MGAT4C: variants seen among roughly 807,000 people sequenced by gnomAD.
MGAT4C encodes the protein MGAT4 family member C.
In MGAT4C, 19 loss-of-function variants were observed where a neutral mutation model predicts 40.1. That is an observed-to-expected ratio of 0.47 (90% CI 0.33 to 0.70). MGAT4C has a LOEUF of 0.70. Among genes scored for constraint, MGAT4C ranks in the 30% least tolerant of loss-of-function variants. MGAT4C has a pLI of 0.02. For missense variants in MGAT4C, 491 were observed against 563.2 expected, an observed-to-expected ratio of 0.87 and a Z score of 1.30; for synonymous variants, 181 against 187.1, an observed-to-expected ratio of 0.97 and a Z score of 0.27.
chr12:86,320,937 A>C (rs1302132595), intron 4 of MGAT4C, among the ~76,000 whole-genome samples: 2 of 152,124 alleles, frequency 1.3e-5, no homozygotes, highest in Non-Finnish European at 2.9e-5. Context: ...CCAACTATAT[A>C]ATTTGCACTA....
intron 3 of MGAT4C, among the ~76,000 whole-genome samples, chr12:86,426,212 TC>T (rs1208142861): frequency 6.6e-6 from 1 of 152,144 alleles, no homozygotes; most frequent in African/African-American, 2.4e-5. Context: ...TCGGGTAAAA[TC>T]TATTTCAGCA....
At chr12:86,759,126 G>C (rs1951356503) in intron 1 of MGAT4C, among the ~76,000 whole-genome samples, 1 of 152,110 alleles carries the variant, frequency 6.6e-6, no homozygotes, top group Admixed American at 6.5e-5. Flanking sequence ...ATATGAGTAA[G>C]ATCATGTGGT....
intron 1 of MGAT4C, among the ~76,000 whole-genome samples, chr12:86,808,891 T>G (rs1486553255): frequency 6.6e-6 from 1 of 152,108 alleles, no homozygotes; most frequent in Non-Finnish European, 1.5e-5. Context: ...CCTTGTCGTC[T>G]CAGCCCAAAA....
rs575503610 is a variant in MGAT4C at position 85,959,936 on chromosome 12, T to C, written c.*19353A>G. The C allele has an allele frequency of 3.4e-4, 51 of 152,164 alleles. No homozygotes were observed. Among genetic ancestry groups the C allele is most frequent in the Non-Finnish European group, 6.8e-4 (46 of 67,950 alleles). 9.4% of individuals were successfully genotyped at this position (152,164 alleles called of 1,614,324 possible). On this transcript the variant is annotated 3_prime_UTR_variant, in exon 5 of 5. Coordinates refer to ENST00000611864, the MANE Select transcript of MGAT4C (RefSeq NM_001351288.2). ...TTATTTAGATCAAGGTCAGTTTTTTTACTCCTCTGTAGAACTGTGAAGATA... is the reference window on the plus strand; with the variant it reads ...TTATTTAGATCAAGGTCAGTTTTTTCACTCCTCTGTAGAACTGTGAAGATA...
intron 1 of MGAT4C, among the ~76,000 whole-genome samples, chr12:86,057,582 T>G (rs893519784): frequency 4.6e-5 from 7 of 152,196 alleles, no homozygotes; most frequent in African/African-American, 1.7e-4. Context: ...CTGTCACCTC[T>G]GCAGGAATGG....
At chr12:86,505,089 G>A (rs1048214370) in intron 2 of MGAT4C, among the ~76,000 whole-genome samples, 1 of 152,224 alleles carries the variant, frequency 6.6e-6, no homozygotes, top group East Asian at 1.9e-4. Context: ...TATGGGTCAA[G>A]TATCTGCCAG....
intron 2 of MGAT4C, among the ~76,000 whole-genome samples, chr12:86,609,782 G>T (rs543790138): frequency 2.0e-5 from 2 of 99,570 alleles, no homozygotes; most frequent in Admixed American, 1.2e-4. Context: ...GCTAAATAAG[G>T]CACTACCAGA....
At chr12:86,047,423 A>C (rs775576744) in intron 2 of MGAT4C, among the ~76,000 whole-genome samples, 1 of 152,164 alleles carries the variant, frequency 6.6e-6, no homozygotes, top group Non-Finnish European at 1.5e-5. Flanking sequence ...TTTTGCATGA[A>C]AGAAAAAATT....
intron 2 of MGAT4C, among the ~76,000 whole-genome samples, chr12:86,629,037 T>A (rs1479642622): frequency 2.0e-5 from 3 of 150,468 alleles, no homozygotes; most frequent in Non-Finnish European, 4.4e-5. Context: ...ACACATAGGC[T>A]CAAAATAAAG....
intron 2 of MGAT4C, among the ~76,000 whole-genome samples, chr12:86,485,971 C>T (rs1339374301): frequency 7.2e-5 from 11 of 152,018 alleles, no homozygotes; most frequent in Admixed American, 7.2e-4. Flanking sequence ...TATATCCCAC[C>T]AAACTAAGCC....
intron 3 of MGAT4C, among the ~76,000 whole-genome samples, chr12:85,987,473 T>C (rs1030846462): frequency 5.3e-5 from 8 of 152,156 alleles, no homozygotes; most frequent in African/African-American, 1.7e-4. Flanking sequence ...CAATCTGTTT[T>C]CTGCACCTGG....
At chr12:86,604,253 C>A (rs1243139752) in intron 2 of MGAT4C, among the ~76,000 whole-genome samples, 1 of 152,046 alleles carries the variant, frequency 6.6e-6, no homozygotes, top group African/African-American at 2.4e-5. Context: ...AATGACTTTA[C>A]CAAAGTTCAA....
At chr12:86,233,144 G>A (rs187909757) in intron 1 of MGAT4C, among the ~76,000 whole-genome samples, 5 of 152,204 alleles carry the variant, frequency 3.3e-5, no homozygotes, top group Admixed American at 6.5e-5. Context: ...TACGAATTTT[G>A]CATGACTACT....
intron 2 of MGAT4C, among the ~76,000 whole-genome samples, chr12:86,617,566 T>G (rs565046966): frequency 2.6e-5 from 4 of 152,304 alleles, no homozygotes; most frequent in African/African-American, 9.6e-5. Flanking sequence ...CAGATGCCTG[T>G]AGTCCCAGCT....
chr12:86,791,444 T>G (rs549807642), intron 1 of MGAT4C, among the ~76,000 whole-genome samples: 9 of 151,946 alleles, frequency 5.9e-5, no homozygotes, highest in Middle Eastern at 3.4e-3. Context: ...TTTTTTTTTT[T>G]TTTTTTTTCC....
At chr12:86,444,755 T>C (rs1352744876) in intron 2 of MGAT4C, among the ~76,000 whole-genome samples, 2 of 152,128 alleles carry the variant, frequency 1.3e-5, no homozygotes, top group Non-Finnish European at 2.9e-5. Flanking sequence ...TGAGGTACGG[T>C]TCTGTAGTAT....
intron 1 of MGAT4C, among the ~76,000 whole-genome samples, chr12:86,151,914 A>C (rs1166064582): frequency 6.6e-6 from 1 of 152,236 alleles, no homozygotes; most frequent in Non-Finnish European, 1.5e-5. Flanking sequence ...ATGACAATTT[A>C]AGGCTGTGGG....
chr12:86,492,704 AC>A (rs1179757757), intron 2 of MGAT4C, among the ~76,000 whole-genome samples: 1 of 152,100 alleles, frequency 6.6e-6, no homozygotes, highest in Non-Finnish European at 1.5e-5. Flanking sequence ...CTAGAAGAAA[AC>A]CTAGGCATTA....
At chr12:86,776,809 T>C (rs1429038733) in intron 1 of MGAT4C, among the ~76,000 whole-genome samples, 1 of 152,136 alleles carries the variant, frequency 6.6e-6, no homozygotes, top group Non-Finnish European at 1.5e-5. Context: ...TTTGAATACA[T>C]TCAAATCAAA....
Sources: gnomAD v4.1 joint callset for allele counts (sites outside exome capture counted in the v4.1 genomes callset) on GRCh38, gnomAD v4.1.1 for gene constraint, MANE v1.5 for transcripts, NCBI Gene and HGNC (gene_info 2026-07-23, HGNC 2026-07-21) for gene names.